ITPR1: variants seen among roughly 807,000 people sequenced by gnomAD.
The protein encoded by ITPR1 is inositol 1,4,5-trisphosphate receptor type 1.
ITPR1 carries 96 observed loss-of-function variants against 318.4 expected under a neutral mutation model. The ratio of observed to expected loss-of-function variants is 0.30; its 90% confidence interval spans 0.26 to 0.36. ITPR1 has a LOEUF of 0.36. Ranked by LOEUF, ITPR1 falls within the 10% of genes least tolerant of loss-of-function variation. The pLI is 1.00. For synonymous variants in ITPR1, 1,312 were observed against 1,289.9 expected, an observed-to-expected ratio of 1.02 and a Z score of -0.37; for missense variants, 2,440 against 3,460.2, an observed-to-expected ratio of 0.71 and a Z score of 7.40.
At chr3:4,734,506 A>G (rs1366691617) in intron 43 of ITPR1, among the ~76,000 whole-genome samples, 2 of 152,362 alleles carry the variant, frequency 1.3e-5, no homozygotes, top group Non-Finnish European at 2.9e-5. Flanking sequence ...CCATTTCTCC[A>G]TGTGCGTTCA....
chr3:4,781,491 TGAG>T (rs1187548529), intron 49 of ITPR1, among the ~76,000 whole-genome samples: 1 of 151,824 alleles, frequency 6.6e-6, no homozygotes, highest in African/African-American at 2.4e-5. Flanking sequence ...GACAGAAACT[TGAG>T]GGAACAATCA....
intron 41 of ITPR1, among the ~76,000 whole-genome samples, chr3:4,726,646 G>C (rs534469169): frequency 5.9e-5 from 9 of 152,136 alleles, no homozygotes; most frequent in Non-Finnish European, 5.9e-5. Context: ...TTCTGTTAAC[G>C]GTTTTGTTAC....
At chr3:4,522,475 T>C (rs141663683) in intron 4 of ITPR1, among the ~76,000 whole-genome samples, 59 of 152,314 alleles carry the variant, frequency 3.9e-4, no homozygotes, top group Admixed American at 7.2e-4. Flanking sequence ...TTGCATCCAG[T>C]TGGCGTGAGA....
intron 28 of ITPR1, among the ~76,000 whole-genome samples, 173 bp from the exon 29 acceptor site, chr3:4,684,108 C>T (rs2094348801): frequency 6.6e-6 from 1 of 152,230 alleles, no homozygotes; most frequent in African/African-American, 2.4e-5. Context: ...ACTACTATCC[C>T]TTCCCAAGGA....
chr3:4,841,519 G>A (rs1031578499), intron 61 of ITPR1, among the ~76,000 whole-genome samples: 1 of 152,172 alleles, frequency 6.6e-6, no homozygotes, highest in Non-Finnish European at 1.5e-5. Context: ...ATTAGGTACT[G>A]GGGCTACAAA....
intron 5 of ITPR1, among the ~76,000 whole-genome samples, chr3:4,634,059 A>AATAGTGAATTATTGGTGAAT (rs900556337): frequency 2.6e-5 from 4 of 152,238 alleles, no homozygotes; most frequent in Non-Finnish European, 4.4e-5. Context: ...CTTAGGGAAC[A>AATAGTGAATTATTGGTGAAT]TGGTGAATAA....
At chr3:4,750,140 C>G (rs981348518) in intron 44 of ITPR1, 1 of 152,532 alleles carries the variant, frequency 6.6e-6, no homozygotes, top group Non-Finnish European at 1.5e-5. Context: ...TGATGCTTTG[C>G]TCTTGGGTAT....
chr3:4,699,773 G>A (rs2094615366), intron 34 of ITPR1, 40 bp from the exon 35 acceptor site: 1 of 1,600,276 alleles, frequency 6.2e-7, no homozygotes. Context: ...GTTTGGTGTA[G>A]GTTTTGGTGT....
intron 8 of ITPR1, among the ~76,000 whole-genome samples, chr3:4,644,970 T>C (rs2093422245): frequency 6.6e-6 from 1 of 152,252 alleles, no homozygotes; most frequent in Non-Finnish European, 1.5e-5. Flanking sequence ...AAACAATGGC[T>C]GCTGTTGTTA....
At chr3:4,742,446 G>T (rs2043777238) in intron 44 of ITPR1, among the ~76,000 whole-genome samples, 1 of 152,014 alleles carries the variant, frequency 6.6e-6, no homozygotes, top group Non-Finnish European at 1.5e-5. Context: ...CCCACCTCAG[G>T]ACTCCTGGCG....
In ITPR1 at chr3:4,538,523, C is replaced by T. The variant is rs552610870; in HGVS notation, c.163+17429C>T. On this transcript the variant is annotated intron_variant, in intron 4 of 61. Transcript: ENST00000649015. ...AAGACCTAGAATCAGAAATACCATTCGACCCAGCAATCCCATTCCTGGGTT... is the reference window on the plus strand; with the variant it reads ...AAGACCTAGAATCAGAAATACCATTTGACCCAGCAATCCCATTCCTGGGTT... Among the ~76,000 whole-genome samples, 4 of 152,226 alleles carry T rather than the reference C, an allele frequency of 2.6e-5. No homozygotes were observed. The East Asian group carries it at 7.7e-4, about 29-fold the overall frequency.
chr3:4,768,456 T>C, intron 45 of ITPR1, 55 bp from the exon 46 acceptor site: 1 of 1,528,450 alleles, frequency 6.5e-7, no homozygotes, highest in Non-Finnish European at 8.8e-7. Context: ...TTTGGAGTGG[T>C]GAATAGGGCC....
At chr3:4,726,589 T>A (rs1045033530) in intron 41 of ITPR1, among the ~76,000 whole-genome samples, 8 of 152,228 alleles carry the variant, frequency 5.3e-5, no homozygotes, top group African/African-American at 1.9e-4. Context: ...TTGCAGTGTC[T>A]ATGTTTTCTA....
chr3:4,661,233 G>T (rs2093826158), intron 14 of ITPR1, 146 bp downstream of exon 14: 1 of 532,870 alleles, frequency 1.9e-6, no homozygotes, highest in East Asian at 3.0e-5. Flanking sequence ...TGTGACAAAA[G>T]AATACTCTCC....
At position 4,733,106 on chromosome 3, in the gene ITPR1, G is replaced by A. The variant is rs2125317912; in HGVS notation, c.5239G>A (p.Val1747Ile). Reference sequence around the variant, plus strand: ...AATTAAGGGTGAGGCGCTCAGGCAAGTTCTGGTCAACCGTTACTATGGAAA... The same window carrying A: ...AATTAAGGGTGAGGCGCTCAGGCAAATTCTGGTCAACCGTTACTATGGAAA... ...DHKRGEALRQVLVNRYYGNVR... is the reference protein window; with the variant it reads ...DHKRGEALRQILVNRYYGNVR... The change falls in exon 43 of 62, where the codon GTT becomes ATT. Residue 1747 changes from valine (V) to isoleucine (I), a missense_variant. Val to Ile is a conservative substitution (Grantham distance 29). Transcript: ENST00000649015. 6.2e-7 allele frequency: 1 copy of A among 1,613,566 alleles called. No individual in the cohort carries two copies.
chr3:4,825,033 G>A (rs570208774), intron 60 of ITPR1, among the ~76,000 whole-genome samples: 1 of 152,296 alleles, frequency 6.6e-6, no homozygotes, highest in African/African-American at 2.4e-5. Flanking sequence ...ACCACAGCCA[G>A]ACTGGAGCTT....
chr3:4,581,515 T>C (rs975782958), intron 4 of ITPR1, among the ~76,000 whole-genome samples: 2 of 152,314 alleles, frequency 1.3e-5, no homozygotes, highest in Non-Finnish European at 1.5e-5. Context: ...GTAATCTATA[T>C]TGGGAGCCAT....
At chr3:4,529,454 C>T (rs913436686) in intron 4 of ITPR1, among the ~76,000 whole-genome samples, 7 of 152,156 alleles carry the variant, frequency 4.6e-5, no homozygotes, top group East Asian at 1.9e-4. Flanking sequence ...TGGTTGATTA[C>T]GGACTTTTTC....
intron 4 of ITPR1, among the ~76,000 whole-genome samples, chr3:4,603,461 C>G (rs1351968071): frequency 7.2e-5 from 11 of 151,930 alleles, no homozygotes; most frequent in Non-Finnish European, 1.5e-4. Flanking sequence ...ACAGAGTCTC[C>G]TTCTGTCACC....
Sources: gnomAD v4.1 joint callset for allele counts (sites outside exome capture counted in the v4.1 genomes callset) on GRCh38, gnomAD v4.1.1 for gene constraint, MANE v1.5 for transcripts, NCBI Gene and HGNC (gene_info 2026-07-23, HGNC 2026-07-21) for gene names.